NECTIN3: variants seen among roughly 807,000 people sequenced by gnomAD.
The protein encoded by NECTIN3 is nectin cell adhesion molecule 3.
NECTIN3 carries 8 observed loss-of-function variants against 49.4 expected under a neutral mutation model. The ratio of observed to expected loss-of-function variants is 0.16; its 90% confidence interval spans 0.10 to 0.29. The LOEUF is 0.29. NECTIN3 is among the 10% of genes least tolerant of loss of function. The probability of loss-of-function intolerance (pLI) is 1.00; values close to 1 mark genes in which losing one functional copy is unlikely to be tolerated. For missense variants in NECTIN3, 581 were observed against 654.6 expected (o/e 0.89, Z 1.23); for synonymous variants, 277 against 241.1 (o/e 1.15, Z -1.38).
chr3:111,072,826 G>A (rs2030884459), intron 1 of NECTIN3: 3 of 401,778 alleles, frequency 7.5e-6, no homozygotes, highest in Non-Finnish European at 1.4e-5. Flanking sequence ...TTACCAAACC[G>A]CAGGAACAAG....
chr3:111,165,264 C>T lies in NECTIN3; in HGVS notation c.1221+17780C>T, dbSNP rs573634548. 5.3e-5 allele frequency among the ~76,000 whole-genome samples: 8 copies of T among 152,126 alleles called. 1 individual carries two copies. The South Asian group carries it at 1.7e-3, about 32-fold the overall frequency. On this transcript the variant is annotated intron_variant, in intron 7 of 8. Coordinates refer to the NECTIN3 transcript ENST00000493615. ...TTCACTGTGTTAGCCAGGATGGTCT[C>T]GATCTCCTGACCTCGTGATCCGCCC...
intron 5 of NECTIN3, among the ~76,000 whole-genome samples, chr3:111,143,274 C>A (rs527310887): frequency 6.6e-6 from 1 of 151,586 alleles, no homozygotes; most frequent in Admixed American, 6.6e-5. Flanking sequence ...ATAGATAAAC[C>A]AGGCTGGTAT....
In NECTIN3 at chr3:111,134,589, C is replaced by G. The variant is rs2034512422; in HGVS notation, c.*374C>G. 1.1e-6 allele frequency: 1 copy of G among 945,594 alleles called. No homozygotes were observed. Among genetic ancestry groups the G allele is most frequent in the Non-Finnish European group, 1.3e-6 (1 of 793,030 alleles). The allele number at this position is 945,594 out of a possible 1,614,324, so 58.6% of individuals were successfully genotyped here. A position where few individuals can be genotyped will look rare whatever the true frequency, so the allele number is the denominator to read the frequency against. On this transcript the variant is annotated 3_prime_UTR_variant, in exon 6 of 6. Coordinates refer to ENST00000485303, the MANE Select transcript of NECTIN3 (RefSeq NM_015480.3). ...AAATGTTTACCTAAGACTATAATCT[C>G]AAGTATGATGTTTGTTTAACATATA...
chr3:111,088,891 A>G (rs1315647439), intron 1 of NECTIN3, among the ~76,000 whole-genome samples: 1 of 152,118 alleles, frequency 6.6e-6, no homozygotes, highest in Non-Finnish European at 1.5e-5. Context: ...GTAAGAGTTT[A>G]AGATTGATAA....
chr3:111,094,846 C>T, intron 1 of NECTIN3, among the ~76,000 whole-genome samples: 1 of 152,198 alleles, frequency 6.6e-6, no homozygotes, highest in East Asian at 1.9e-4. Context: ...AGTAGTTATT[C>T]AGCATAAACC....
intron 6 of NECTIN3, among the ~76,000 whole-genome samples, chr3:111,146,382 G>C (rs1026906295): frequency 8.7e-5 from 13 of 149,186 alleles, no homozygotes; most frequent in South Asian, 6.4e-4. Context: ...TGCAGTGAGC[G>C]GAGATCCCGC....
At chr3:111,091,549 C>T (rs900908340) in intron 1 of NECTIN3, among the ~76,000 whole-genome samples, 3 of 152,132 alleles carry the variant, frequency 2.0e-5, no homozygotes, top group Admixed American at 6.5e-5. Context: ...CCACTGCACC[C>T]GGCCAATGTG....
rs1337245028 is a variant in NECTIN3 at position 111,193,735 on chromosome 3, C to T, written c.63+1322C>T. On this transcript the variant is annotated intron_variant, in intron 1 of 1. Coordinates refer to the NECTIN3 transcript ENST00000485506. The stretch of plus-strand genomic sequence containing the variant: ...AGGCCCCAGCTGATACTATTAACCT[C>T]GTTGGGTCTCAGGCATGCTAGCCTG... 2.6e-5 allele frequency among the ~76,000 whole-genome samples: 4 copies of T among 152,120 alleles called. No homozygotes were observed. The East Asian group carries it at 5.8e-4, about 22-fold the overall frequency.
At chr3:111,175,214 G>A (rs2035505577) in intron 7 of NECTIN3, among the ~76,000 whole-genome samples, 1 of 151,554 alleles carries the variant, frequency 6.6e-6, no homozygotes, top group Non-Finnish European at 1.5e-5. Flanking sequence ...TTGCCTGCTG[G>A]TCAGCTTTTG....
chr3:111,095,816 A>G lies in NECTIN3; in HGVS notation c.161-16214A>G, dbSNP rs144614875. 8.4e-3 allele frequency among the ~76,000 whole-genome samples: 1,285 copies of G among 152,238 alleles called. 6 individuals carry two copies. The highest frequency in any genetic ancestry group is 0.017 in the Middle Eastern group (5 of 294). ...TGTGACTTGCTCCTTGTTGCCTTCC[A>G]CTGTGATTGTGAGGCTTCCCCAGTC... is the stretch of plus-strand genomic sequence containing the variant. On this transcript the variant is annotated intron_variant, in intron 1 of 5. Coordinates refer to ENST00000485303, the MANE Select transcript of NECTIN3 (RefSeq NM_015480.3).
At chr3:111,120,193 CAT>C (rs1160578120) in intron 3 of NECTIN3, among the ~76,000 whole-genome samples, 1 of 151,998 alleles carries the variant, frequency 6.6e-6, no homozygotes, top group African/African-American at 2.4e-5. Context: ...TTTGCATATC[CAT>C]ATATGTTTAC....
intron 2 of NECTIN3, among the ~76,000 whole-genome samples, chr3:111,115,693 G>C (rs1415794016): frequency 6.6e-6 from 1 of 152,258 alleles, no homozygotes; most frequent in Admixed American, 6.5e-5. Flanking sequence ...GATGGGTCTG[G>C]TGTTTTTGAT....
upstream of NECTIN3, among the ~76,000 whole-genome samples, chr3:111,187,939 T>C (rs1576188823): frequency 6.6e-6 from 1 of 152,206 alleles, no homozygotes; most frequent in Middle Eastern, 3.2e-3. Flanking sequence ...CTATAAACTT[T>C]AGGTGATGAT....
chr3:111,083,455 G>GACA (rs1479115566), intron 1 of NECTIN3, among the ~76,000 whole-genome samples: 3 of 152,130 alleles, frequency 2.0e-5, no homozygotes, highest in Non-Finnish European at 4.4e-5. Flanking sequence ...AGAAGAGGAA[G>GACA]ACACTAGAGC....
chr3:111,114,359 C>A (rs1194877745), intron 2 of NECTIN3, among the ~76,000 whole-genome samples: 2 of 152,060 alleles, frequency 1.3e-5, no homozygotes, highest in African/African-American at 4.8e-5. Context: ...TTTTAGTAGC[C>A]ATTCTTGACC....
At chr3:111,095,068 A>G (rs926416145) in intron 1 of NECTIN3, among the ~76,000 whole-genome samples, 1 of 152,192 alleles carries the variant, frequency 6.6e-6, no homozygotes, top group African/African-American at 2.4e-5. Flanking sequence ...GTAAGTTTTC[A>G]TTCTGGTGCT....
intron 7 of NECTIN3, among the ~76,000 whole-genome samples, chr3:111,179,548 C>T (rs1387723908): frequency 1.3e-5 from 2 of 152,090 alleles, no homozygotes; most frequent in African/African-American, 2.4e-5. Context: ...AGACAGAAGA[C>T]ATTGGGACAG....
chr3:111,088,632 T>C (rs994708507), intron 1 of NECTIN3, among the ~76,000 whole-genome samples: 68 of 152,206 alleles, frequency 4.5e-4, no homozygotes, highest in African/African-American at 1.6e-3. Context: ...CTACTGATGG[T>C]GAATTACATT....
At chr3:111,074,083 C>T (rs1046481495) in intron 1 of NECTIN3, 1 of 378,508 alleles carries the variant, frequency 2.6e-6, no homozygotes, top group Admixed American at 3.2e-5. Context: ...GTGTGCTACT[C>T]ATTTAAACAG....
Sources: allele counts gnomAD v4.1 joint callset (sites outside exome capture counted in the v4.1 genomes callset), GRCh38; gene constraint gnomAD v4.1.1; transcripts MANE v1.5; gene names NCBI Gene and HGNC (gene_info 2026-07-23, HGNC 2026-07-21).